Variants in NFIA observed in about 807,000 individuals in gnomAD.
The protein encoded by NFIA is nuclear factor 1 A-type.
Under a neutral mutation model 62.8 loss-of-function variants are expected in NFIA, and 8 were observed. That is an observed-to-expected ratio of 0.13 (90% CI 0.07 to 0.23). NFIA has a LOEUF of 0.23. NFIA is among the 10% of genes least tolerant of loss of function. The probability of loss-of-function intolerance (pLI) is 1.00; values close to 1 mark genes in which losing one functional copy is unlikely to be tolerated. For missense variants in NFIA, 410 were observed against 642.1 expected (o/e 0.64, Z 3.91); for synonymous variants, 235 against 238.1 (o/e 0.99, Z 0.12).
chr1:61,262,827 A>G (rs536476025), intron 2 of NFIA, among the ~76,000 whole-genome samples: 41 of 152,356 alleles, frequency 2.7e-4, no homozygotes, highest in African/African-American at 9.9e-4. Flanking sequence ...GGTGATAGCC[A>G]GAATCAAAGG....
At chr1:61,307,541 A>G (rs1659866729) in intron 3 of NFIA, among the ~76,000 whole-genome samples, 2 of 152,242 alleles carry the variant, frequency 1.3e-5, no homozygotes, top group Admixed American at 6.5e-5. Flanking sequence ...GCTTAAACCA[A>G]TCTGAGAATC....
chr1:61,154,938 G>T (rs1648687739), intron 2 of NFIA, among the ~76,000 whole-genome samples: 5 of 152,186 alleles, frequency 3.3e-5, no homozygotes, highest in Admixed American at 2.6e-4. Flanking sequence ...AAGAGATAGT[G>T]TCTACATTGT....
chr1:61,249,444 A>G (rs1263600486), intron 2 of NFIA, among the ~76,000 whole-genome samples: 1 of 152,206 alleles, frequency 6.6e-6, no homozygotes, highest in Admixed American at 6.5e-5. Context: ...GGTATTTGCT[A>G]TTAGATGGGG....
At chr1:61,096,764 G>C (rs1570142577) in intron 2 of NFIA, among the ~76,000 whole-genome samples, 1 of 151,174 alleles carries the variant, frequency 6.6e-6, no homozygotes, top group African/African-American at 2.4e-5. Flanking sequence ...TCTTGGTGAG[G>C]CTGGACTCGA....
At chr1:61,387,081 T>C (rs772798219) in intron 7 of NFIA, among the ~76,000 whole-genome samples, 5 of 152,050 alleles carry the variant, frequency 3.3e-5, no homozygotes, top group African/African-American at 9.7e-5. Context: ...TACCATCACA[T>C]TGGGGGTTAG....
rs755522474 is a variant in NFIA at position 61,162,737 on chromosome 1, G to C, written c.559+74057G>C. Among the ~76,000 whole-genome samples, 110 of 152,048 alleles carry C rather than the reference G, an allele frequency of 7.2e-4. 1 individual carries two copies. The highest frequency in any genetic ancestry group is 1.4e-3 in the Non-Finnish European group (94 of 68,018). On this transcript the variant is annotated intron_variant, in intron 2 of 10. Transcript: ENST00000403491. ...CAAGGGCAGTTAGGCCCGTAGCTGTGGTGTCTGCTGCCACAGCAGAATGGA... is the reference window on the plus strand; with the variant it reads ...CAAGGGCAGTTAGGCCCGTAGCTGTCGTGTCTGCTGCCACAGCAGAATGGA...
At chr1:61,184,297 C>T (rs985106874) in intron 2 of NFIA, among the ~76,000 whole-genome samples, 12 of 152,230 alleles carry the variant, frequency 7.9e-5, no homozygotes, top group African/African-American at 2.7e-4. Flanking sequence ...TGTATTTACT[C>T]GGCCGCAGCC....
intron 2 of NFIA, among the ~76,000 whole-genome samples, chr1:61,225,222 G>A (rs1166728357): frequency 2.0e-5 from 3 of 150,726 alleles, no homozygotes; most frequent in East Asian, 1.9e-4. Context: ...AATACTCAAT[G>A]TAAAGCCATT....
chr1:61,371,260 AG>A (rs1663871437), intron 6 of NFIA, among the ~76,000 whole-genome samples: 1 of 152,212 alleles, frequency 6.6e-6, no homozygotes, highest in Admixed American at 6.5e-5. Flanking sequence ...AATGCTTTTC[AG>A]GGCCAGTTAT....
At chr1:61,434,396 C>T (rs750848518) in intron 10 of NFIA, among the ~76,000 whole-genome samples, 1 of 152,168 alleles carries the variant, frequency 6.6e-6, no homozygotes, top group East Asian at 1.9e-4. Flanking sequence ...CCCCAGCTCC[C>T]ACACCAACCT....
chr1:61,244,631 G>A lies in NFIA; in HGVS notation c.560-32889G>A, dbSNP rs1255659799. 2.0e-5 allele frequency among the ~76,000 whole-genome samples: 3 copies of A among 152,168 alleles called. No individual in the cohort carries two copies. In the South Asian group the frequency reaches 6.2e-4, roughly 32 times the overall value. ...GGGTTTGGGTCAGACATTCTCAGAA[G>A]AGTATTATTTACTTTTAAGTAGGAT... On this transcript the variant is annotated intron_variant, in intron 2 of 10. Transcript: ENST00000403491.
At chr1:61,380,341 G>A (rs965255675) in intron 6 of NFIA, among the ~76,000 whole-genome samples, 2 of 151,948 alleles carry the variant, frequency 1.3e-5, no homozygotes, top group African/African-American at 4.8e-5. Flanking sequence ...TTAAAAATCT[G>A]GTACTTCTAG....
intron 7 of NFIA, among the ~76,000 whole-genome samples, chr1:61,388,437 A>T (rs960947101): frequency 1.3e-5 from 2 of 152,182 alleles, no homozygotes; most frequent in African/African-American, 4.8e-5. Flanking sequence ...TGATGATCTG[A>T]AGGGTCTAAC....
chr1:61,274,671 A>G (rs1228185049), intron 2 of NFIA, among the ~76,000 whole-genome samples: 1 of 152,230 alleles, frequency 6.6e-6, no homozygotes, highest in African/African-American at 2.4e-5. Context: ...ACAGGTGTCT[A>G]TGGAGTATAT....
At chr1:61,116,017 GT>G (rs35803994) in intron 2 of NFIA, among the ~76,000 whole-genome samples, 102,846 of 119,046 alleles carry the variant, frequency 0.86, 43,858 homozygotes, top group East Asian at 0.9. Context: ...CATGTCTTCT[GT>G]TTTTTTTTTT....
At chr1:61,322,403 A>T (rs989387837) in intron 3 of NFIA, among the ~76,000 whole-genome samples, 2 of 152,132 alleles carry the variant, frequency 1.3e-5, no homozygotes, top group Non-Finnish European at 2.9e-5. Context: ...AGTTGGCAGG[A>T]TGGTTCTACT....
chr1:61,152,580 A>G (rs903428665), intron 2 of NFIA, among the ~76,000 whole-genome samples: 15 of 152,216 alleles, frequency 9.9e-5, no homozygotes, highest in Admixed American at 5.2e-4. Flanking sequence ...ATTTTAGAAG[A>G]TTTATCACTG....
intron 10 of NFIA, among the ~76,000 whole-genome samples, chr1:61,428,641 G>T (rs1569855604): frequency 6.6e-6 from 1 of 151,606 alleles, no homozygotes; most frequent in East Asian, 1.9e-4. Context: ...CTATTTTCTG[G>T]GACCACTTAA....
chr1:61,336,170 A>C (rs1661595415), intron 4 of NFIA, among the ~76,000 whole-genome samples: 1 of 152,154 alleles, frequency 6.6e-6, no homozygotes, highest in Non-Finnish European at 1.5e-5. Context: ...TATAGAACTA[A>C]ATAGAATCCA....
Sources: gnomAD v4.1 joint callset for allele counts (sites outside exome capture counted in the v4.1 genomes callset) on GRCh38, gnomAD v4.1.1 for gene constraint, MANE v1.5 for transcripts, NCBI Gene and HGNC (gene_info 2026-07-23, HGNC 2026-07-21) for gene names.